The following NETO1 variants were observed in gnomAD, a reference collection of about 807,000 sequenced individuals.
NETO1 encodes the protein neuropilin and tolloid-like protein 1.
NETO1 carries 26 observed loss-of-function variants against 61.3 expected under a neutral mutation model. That is an observed-to-expected ratio of 0.42 (90% CI 0.31 to 0.59). The LOEUF (loss-of-function observed/expected upper bound fraction) is 0.59. Ranked by LOEUF, NETO1 falls within the 20% of genes least tolerant of loss-of-function variation. The pLI is 0.12. For missense variants in NETO1, 531 were observed against 662.8 expected, an observed-to-expected ratio of 0.80 and a Z score of 2.18; for synonymous variants, 225 against 225.8, an observed-to-expected ratio of 1.00 and a Z score of 0.03.
intron 4 of NETO1, among the ~76,000 whole-genome samples, chr18:72,800,378 C>T (rs938032889): frequency 2.6e-5 from 4 of 152,198 alleles, no homozygotes; most frequent in African/African-American, 9.6e-5. Flanking sequence ...CCACTTCCTA[C>T]ATCCTATCTT....
intron 4 of NETO1, among the ~76,000 whole-genome samples, chr18:72,812,999 G>A (rs944861746): frequency 1.3e-5 from 2 of 152,134 alleles, no homozygotes; most frequent in African/African-American, 4.8e-5. Context: ...TAGGACCTCA[G>A]ATGTCTAACC....
chr18:72,789,588 G>C (rs1372794580), intron 6 of NETO1, among the ~76,000 whole-genome samples: 1 of 152,096 alleles, frequency 6.6e-6, no homozygotes, highest in Non-Finnish European at 1.5e-5. Context: ...AATTTTAGCA[G>C]CTTTAAATAA....
At chr18:72,792,491 AG>A (rs2072156276) in intron 6 of NETO1, among the ~76,000 whole-genome samples, 1 of 151,768 alleles carries the variant, frequency 6.6e-6, no homozygotes, top group Admixed American at 6.6e-5. Context: ...CTAAATATCC[AG>A]TCACCAAATT....
intron 4 of NETO1, among the ~76,000 whole-genome samples, chr18:72,798,485 C>G (rs534337718): frequency 5.9e-5 from 9 of 152,294 alleles, no homozygotes; most frequent in African/African-American, 2.2e-4. Flanking sequence ...CAAGCGGCAT[C>G]TGGTGACAGG....
chr18:72,810,895 G>A (rs192845131), intron 4 of NETO1, among the ~76,000 whole-genome samples: 1 of 152,262 alleles, frequency 6.6e-6, no homozygotes, highest in East Asian at 1.9e-4. Flanking sequence ...AGTTAGAGAG[G>A]AAGATTTATG....
At chr18:72,768,210 C>A (rs899077431) in intron 7 of NETO1, among the ~76,000 whole-genome samples, 3 of 152,136 alleles carry the variant, frequency 2.0e-5, no homozygotes, top group Non-Finnish European at 2.9e-5. Flanking sequence ...TGCCCAAAGT[C>A]ATATTTAAAT....
chr18:72,759,104 C>T (rs912332207), intron 7 of NETO1, among the ~76,000 whole-genome samples: 19 of 152,152 alleles, frequency 1.2e-4, no homozygotes, highest in Admixed American at 6.5e-4. Context: ...GCTCTTTCGA[C>T]GACTTGCGTG....
intron 8 of NETO1, 36 bp downstream of exon 8, chr18:72,755,998 G>GA: frequency 8.8e-7 from 1 of 1,137,482 alleles, no homozygotes; most frequent in Admixed American, 1.8e-5. Flanking sequence ...TCCACAGGGA[G>GA]GAAATTTTTT....
At chr18:72,806,651 C>A (rs2072683763) in intron 4 of NETO1, among the ~76,000 whole-genome samples, 1 of 152,140 alleles carries the variant, frequency 6.6e-6, no homozygotes, top group African/African-American at 2.4e-5. Flanking sequence ...TAAATCTGCT[C>A]AAGTCCCTTC....
intron 7 of NETO1, among the ~76,000 whole-genome samples, chr18:72,768,190 C>T (rs2071228399): frequency 1.3e-5 from 2 of 152,146 alleles, no homozygotes; most frequent in Admixed American, 6.5e-5. Context: ...ATTTCAAACA[C>T]ATCTATACTT....
intron 4 of NETO1, among the ~76,000 whole-genome samples, chr18:72,842,869 C>A (rs373552078): frequency 1.3e-5 from 2 of 152,234 alleles, no homozygotes; most frequent in African/African-American, 4.8e-5. Flanking sequence ...TGAAACAATG[C>A]GTACAAAGTG....
intron 7 of NETO1, among the ~76,000 whole-genome samples, chr18:72,765,663 C>T (rs2071129395): frequency 6.6e-6 from 1 of 152,078 alleles, no homozygotes; most frequent in Non-Finnish European, 1.5e-5. Context: ...ATGATCCACC[C>T]ACCTTGGCCT....
chr18:72,804,271 C>T (rs2072605316), intron 4 of NETO1, among the ~76,000 whole-genome samples: 1 of 152,010 alleles, frequency 6.6e-6, no homozygotes, highest in Non-Finnish European at 1.5e-5. Flanking sequence ...AACGTCTGCC[C>T]CGACCAACCT....
At position 72,782,900 on chromosome 18, in the gene NETO1, T is replaced by C. The variant is rs115238782; in HGVS notation, c.868+778A>G. On this transcript the variant is annotated intron_variant, in intron 7 of 10. Transcript: ENST00000327305. Reference sequence around the variant, plus strand: ...GTGGTTTTGACTTGGATTTCTCTAATAATTAATGATGCTGAACATTTGTAT... The same window carrying C: ...GTGGTTTTGACTTGGATTTCTCTAACAATTAATGATGCTGAACATTTGTAT... 5.6e-3 allele frequency among the ~76,000 whole-genome samples: 859 copies of C among 152,330 alleles called. 10 individuals carry two copies. Among genetic ancestry groups the C allele is most frequent in the African/African-American group, 0.019 (795 of 41,572 alleles).
At chr18:72,792,075 T>C (rs1035154727) in intron 6 of NETO1, among the ~76,000 whole-genome samples, 12 of 152,176 alleles carry the variant, frequency 7.9e-5, no homozygotes, top group Non-Finnish European at 1.6e-4. Context: ...ATTTCCACTT[T>C]ATGTGCAAGC....
rs568869409 is a variant in NETO1 at position 72,857,149 on chromosome 18, C to T, written c.469+1677G>A. Among the ~76,000 whole-genome samples, 7 of 152,248 alleles carry T rather than the reference C, an allele frequency of 4.6e-5. No homozygotes were observed. In the East Asian group the frequency reaches 1.4e-3, roughly 29 times the overall value. On this transcript the variant is annotated intron_variant, in intron 4 of 10. Coordinates refer to ENST00000327305, the MANE Select transcript of NETO1 (RefSeq NM_138966.5). ...CCCTCATATGCCAAATGTAGGTTTC[C>T]CCAGAAGTTTTGCTCTAGTTGATCT...
At chr18:72,790,011 A>T (rs567583408) in intron 6 of NETO1, among the ~76,000 whole-genome samples, 1 of 152,330 alleles carries the variant, frequency 6.6e-6, no homozygotes, top group Non-Finnish European at 1.5e-5. Context: ...CTTTACTGTA[A>T]GAGACTATTT....
chr18:72,829,156 A>C (rs565355600), intron 4 of NETO1, among the ~76,000 whole-genome samples: 1 of 152,318 alleles, frequency 6.6e-6, no homozygotes, highest in African/African-American at 2.4e-5. Context: ...ATCATTATAA[A>C]AAAAGAATGG....
intron 4 of NETO1, among the ~76,000 whole-genome samples, chr18:72,851,754 G>A (rs1474923666): frequency 1.3e-5 from 2 of 152,130 alleles, no homozygotes; most frequent in Admixed American, 1.3e-4. Context: ...ATGGTGAAAC[G>A]CGGGTGATAT....
Sources: allele counts gnomAD v4.1 joint callset (sites outside exome capture counted in the v4.1 genomes callset), GRCh38; gene constraint gnomAD v4.1.1; transcripts MANE v1.5; gene names NCBI Gene and HGNC (gene_info 2026-07-23, HGNC 2026-07-21).